DCDC2: variants seen among roughly 807,000 people sequenced by gnomAD.
DCDC2 encodes the protein doublecortin domain containing 2, also known as doublecortin domain-containing protein 2.
In DCDC2, 40 loss-of-function variants were observed where a neutral mutation model predicts 50.2. The observed-to-expected ratio is 0.80, with a 90% CI of 0.62 to 1.04. DCDC2 has a LOEUF of 1.04. DCDC2 is among the 50% of genes least tolerant of loss of function. The pLI, the probability that DCDC2 is intolerant of heterozygous loss-of-function variation, is 0.00. For missense variants in DCDC2, 570 were observed against 581.9 expected, an observed-to-expected ratio of 0.98 and a Z score of 0.21; for synonymous variants, 234 against 210.6, an observed-to-expected ratio of 1.11 and a Z score of -0.96.
intron 7 of DCDC2, among the ~76,000 whole-genome samples, chr6:24,227,071 G>T (rs376256500): frequency 1.3e-5 from 2 of 152,094 alleles, no homozygotes; most frequent in Non-Finnish European, 2.9e-5. Flanking sequence ...TTTCTTCTCC[G>T]ACTGAGAAAG....
At chr6:24,197,170 C>G (rs1303456467) in intron 8 of DCDC2, among the ~76,000 whole-genome samples, 1 of 152,124 alleles carries the variant, frequency 6.6e-6, no homozygotes, top group Non-Finnish European at 1.5e-5. Flanking sequence ...TGCATACCTG[C>G]ATTTTGATAA....
At chr6:24,218,427 A>G (rs1011802950) in intron 7 of DCDC2, among the ~76,000 whole-genome samples, 1 of 152,196 alleles carries the variant, frequency 6.6e-6, no homozygotes, top group Non-Finnish European at 1.5e-5. Flanking sequence ...TTCTCTATCT[A>G]TAATAAAAAT....
At chr6:24,335,838 A>G (rs1255621776) in intron 2 of DCDC2, among the ~76,000 whole-genome samples, 2 of 152,126 alleles carry the variant, frequency 1.3e-5, no homozygotes, top group African/African-American at 4.8e-5. Flanking sequence ...GTAGAACAGC[A>G]TGGGGGAAAC....
intron 7 of DCDC2, among the ~76,000 whole-genome samples, chr6:24,221,589 A>T (rs569653537): frequency 3.1e-4 from 47 of 152,290 alleles, no homozygotes; most frequent in Middle Eastern, 3.4e-3. Context: ...CACACACAAC[A>T]TGGTCAGGTT....
intron 2 of DCDC2, among the ~76,000 whole-genome samples, chr6:24,330,965 GA>G (rs967901558): frequency 1.3e-5 from 2 of 152,070 alleles, no homozygotes; most frequent in African/African-American, 4.8e-5. Context: ...TATTTGAGGA[GA>G]AAAAGAATAT....
At chr6:24,213,212 G>A (rs4484518) in intron 7 of DCDC2, among the ~76,000 whole-genome samples, 150,703 of 152,252 alleles carry the variant, frequency 0.99, 74,600 homozygotes, top group East Asian at 1. Context: ...ATGAGGATGA[G>A]TAAGAAGAAA....
upstream of DCDC2, among the ~76,000 whole-genome samples, chr6:24,358,911 A>AT (rs1217067819): frequency 2.5e-4 from 9 of 36,452 alleles, 1 homozygote; most frequent in Admixed American, 3.4e-3. Flanking sequence ...TATATTATAT[A>AT]TTATATATAT....
At chr6:24,381,084 GAA>G in the DCDC2 span, among the ~76,000 whole-genome samples, 1 of 91,764 alleles carries the variant, frequency 1.1e-5, no homozygotes, top group Non-Finnish European at 2.5e-5. Flanking sequence ...CTTGTCTCAA[GAA>G]AAAAAAAAAA....
At chr6:24,175,967 T>C (rs1273607779) in intron 9 of DCDC2, among the ~76,000 whole-genome samples, 1 of 152,136 alleles carries the variant, frequency 6.6e-6, no homozygotes, top group African/African-American at 2.4e-5. Flanking sequence ...CAAATAAGAT[T>C]AAATCTCTTT....
upstream of DCDC2, among the ~76,000 whole-genome samples, chr6:24,359,536 T>TTATATATTA (rs1760622585): frequency 9.4e-6 from 1 of 106,452 alleles, no homozygotes; most frequent in African/African-American, 3.8e-5. Flanking sequence ...TATATATTTT[T>TTATATATTA]TATATATTTT....
At chr6:24,222,026 T>C (rs1032819955) in intron 7 of DCDC2, among the ~76,000 whole-genome samples, 2 of 152,156 alleles carry the variant, frequency 1.3e-5, no homozygotes, top group African/African-American at 4.8e-5. Flanking sequence ...AAGTTAAAAA[T>C]GGAAATAGTA....
Position 24,290,975 on chromosome 6 carries a change from T to G in DCDC2, c.661A>C (p.Ser221Arg), listed in dbSNP as rs2274305. ...GTTGACTTGTCAAAAAGTAACTCAC[T>G]GTAAGGCAGTTTCTTAAACTTATCT... ...GRDKFKKLPY[S>R]ELLFDKSTMR... The change falls in exon 5 of 10, where the codon AGT (serine) becomes CGT (arginine). Residue 221 changes from serine to arginine, a missense_variant. Physicochemically the swap from Ser to Arg is moderately radical, Grantham distance 110. Transcript: ENST00000378454. The G allele has an allele frequency of 2.5e-6, 4 of 1,613,766 alleles. No individual in the cohort carries two copies. The East Asian group carries it at 8.9e-5, about 36-fold the overall frequency.
rs145304549 is a variant in DCDC2, at chr6:24,240,685, T to C, written c.923-35583A>G. The stretch of plus-strand genomic sequence containing the variant: ...GCTCTGTCATCACAGACTGGATCAA[T>C]AGTACACATTTAATAGCATCACGCT... On this transcript the variant is annotated intron_variant, in intron 7 of 9. Coordinates refer to ENST00000378454, the MANE Select transcript of DCDC2 (RefSeq NM_016356.5). Among the ~76,000 whole-genome samples, 299 of 152,292 alleles carry C rather than the reference T, an allele frequency of 2.0e-3. 2 individuals are homozygous for C. Among genetic ancestry groups the C allele is most frequent in the Admixed American group, 0.017 (265 of 15,288 alleles).
chr6:24,345,487 G>A (rs1760238061), intron 2 of DCDC2, among the ~76,000 whole-genome samples: 1 of 152,034 alleles, frequency 6.6e-6, no homozygotes, highest in Non-Finnish European at 1.5e-5. Context: ...TCCTCTCCTG[G>A]TACTTCTAAA....
intron 8 of DCDC2, among the ~76,000 whole-genome samples, chr6:24,188,344 T>G (rs538932018): frequency 2.2e-4 from 33 of 148,054 alleles, no homozygotes; most frequent in African/African-American, 7.0e-4. Flanking sequence ...TAAATGAAGG[T>G]GGTGTTTTTA....
At chr6:24,182,684 G>A (rs998063782) in intron 8 of DCDC2, among the ~76,000 whole-genome samples, 1 of 148,644 alleles carries the variant, frequency 6.7e-6, no homozygotes, top group African/African-American at 2.5e-5. Flanking sequence ...GGAGAAACTG[G>A]AACTCCTGGG....
chr6:24,192,664 A>C (rs1168087861), intron 8 of DCDC2, among the ~76,000 whole-genome samples: 8 of 152,262 alleles, frequency 5.3e-5, no homozygotes, highest in Middle Eastern at 3.4e-3. Context: ...TTAAAAATAA[A>C]ATGACTAGGA....
At chr6:24,200,234 G>A (rs2113757852) in intron 8 of DCDC2, among the ~76,000 whole-genome samples, 1 of 152,242 alleles carries the variant, frequency 6.6e-6, no homozygotes, top group East Asian at 1.9e-4. Context: ...TGAAATGAAG[G>A]AAAAAATGTT....
intron 8 of DCDC2, among the ~76,000 whole-genome samples, chr6:24,198,328 G>A (rs1387694064): frequency 6.6e-6 from 1 of 152,182 alleles, no homozygotes; most frequent in Non-Finnish European, 1.5e-5. Context: ...GGACTGGTTA[G>A]ACAGTGGGTG....
Sources: gnomAD v4.1 joint callset for allele counts (sites outside exome capture counted in the v4.1 genomes callset) on GRCh38, gnomAD v4.1.1 for gene constraint, MANE v1.5 for transcripts, NCBI Gene and HGNC (gene_info 2026-07-23, HGNC 2026-07-21) for gene names.